The following PRKCE variants were observed in gnomAD, a reference collection of about 807,000 sequenced individuals.
PRKCE encodes protein kinase C epsilon.
Under a neutral mutation model 85.4 loss-of-function variants are expected in PRKCE, and 16 were observed. The observed-to-expected ratio is 0.19, with a 90% CI of 0.13 to 0.28. The LOEUF (loss-of-function observed/expected upper bound fraction) is 0.28. PRKCE is among the 10% of genes least tolerant of loss of function. The probability of loss-of-function intolerance (pLI) is 1.00; values close to 1 mark genes in which losing one functional copy is unlikely to be tolerated. For synonymous variants in PRKCE, 388 were observed against 371.5 expected, an observed-to-expected ratio of 1.04 and a Z score of -0.51; for missense variants, 573 against 975.2, an observed-to-expected ratio of 0.59 and a Z score of 5.49.
chr2:46,078,612 C>T (rs925916151), intron 10 of PRKCE: 2 of 151,984 alleles, frequency 1.3e-5, no homozygotes, highest in Non-Finnish European at 2.9e-5. Context: ...TTTCTGTCTC[C>T]TTCCTACCTA....
rs371481050 is a variant in PRKCE at position 45,792,892 on chromosome 2, G to A, written c.349-50108G>A. 8.2e-3 allele frequency among the ~76,000 whole-genome samples: 1,243 copies of A among 152,200 alleles called. 15 individuals carry two copies. Among genetic ancestry groups the A allele is most frequent in the African/African-American group, 0.029 (1,196 of 41,510 alleles). On this transcript the variant is annotated intron_variant, in intron 1 of 14. Coordinates refer to ENST00000306156, the MANE Select transcript of PRKCE (RefSeq NM_005400.3). Reference sequence around the variant, plus strand: ...CGGCTCACTGCAACCTCTGTCTCCCGGGTTCAGGTGATTCTCCTGCCTTAG... The same window carrying A: ...CGGCTCACTGCAACCTCTGTCTCCCAGGTTCAGGTGATTCTCCTGCCTTAG...
In PRKCE at chr2:46,004,722, T is replaced by A; in HGVS notation, c.1063+84T>A. The A allele has an allele frequency of 1.7e-6, 2 of 1,201,156 alleles. No individual in the cohort carries two copies. Among genetic ancestry groups the A allele is most frequent in the Non-Finnish European group, 2.4e-6 (2 of 844,776 alleles). 74.4% of individuals were successfully genotyped at this position (1,201,156 alleles called of 1,614,324 possible). A position where few individuals can be genotyped will look rare whatever the true frequency, so the allele number is the denominator to read the frequency against. On this transcript the variant is annotated intron_variant, in intron 8 of 14. Transcript: ENST00000306156. This position sits in a 1 kb window ranked among gnomAD's most constrained non-coding sequence, Gnocchi z 4.1. The stretch of plus-strand genomic sequence containing the variant: ...GCTCTGAGGCCTCTTTAACCAAGAG[T>A]GAGCTTGTTAGCTGAAATAGCTAGC...
intron 1 of PRKCE, among the ~76,000 whole-genome samples, chr2:45,828,200 A>C (rs1690109578): frequency 6.6e-6 from 1 of 152,236 alleles, no homozygotes; most frequent in Admixed American, 6.5e-5. Flanking sequence ...AAGTGGAGGA[A>C]CACCATCATA....
chr2:45,667,906 T>C (rs1675989719), intron 1 of PRKCE, among the ~76,000 whole-genome samples: 1 of 152,176 alleles, frequency 6.6e-6, no homozygotes, highest in Non-Finnish European at 1.5e-5. Context: ...CTAATCCTGG[T>C]CCCACCACTG....
intron 1 of PRKCE, among the ~76,000 whole-genome samples, chr2:45,834,858 C>G (rs910490069): frequency 2.0e-5 from 3 of 152,206 alleles, no homozygotes; most frequent in African/African-American, 7.2e-5. Context: ...AAAAGGCTTT[C>G]TATAACATTT....
rs765421914 is a variant in PRKCE at position 46,086,303 on chromosome 2, C to G, written c.1533C>G (p.Phe511Leu). 11 of 1,599,608 alleles carry G rather than the reference C, an allele frequency of 6.9e-6. No homozygotes were observed. The highest frequency in any genetic ancestry group is 1.7e-5 in the Admixed American group (1 of 60,000). ...AATTCGACGAGCCTCGTTCACGGTT[C>G]TATGCTGCAGAGGTCACATCGGCCC... ...SRKFDEPRSR[F>L]YAAEVTSALM... Residue 511 changes from phenylalanine (F) to leucine (L), a missense_variant, in exon 11 of 15, where the codon TTC becomes TTG. This residue lies in a region of PRKCE where 89 missense variants were observed against 154.1 expected (regional missense o/e 0.58). Transcript: ENST00000306156.
intron 10 of PRKCE, among the ~76,000 whole-genome samples, chr2:46,080,657 T>C (rs4953303): frequency 0.94 from 143,278 of 152,292 alleles, 67,506 homozygotes; most frequent in East Asian, 1. Flanking sequence ...CTCCCTGGAG[T>C]GAAGGTTGGA....
Position 46,170,625 on chromosome 2 carries a change from C to G in PRKCE, c.2067+10873C>G, listed in dbSNP as rs891404711. On this transcript the variant is annotated intron_variant, in intron 14 of 14. Transcript: ENST00000306156. ...TATACAGTGTTTTTTTCAGCTCTAT[C>G]TCAAAATTCTCTTCTCACCTTTTAT... is the stretch of plus-strand genomic sequence containing the variant. 2.0e-5 allele frequency among the ~76,000 whole-genome samples: 3 copies of G among 152,196 alleles called. No homozygotes were observed. In the East Asian group the frequency reaches 5.8e-4, roughly 29 times the overall value.
chr2:46,058,442 A>G (rs1666809127), intron 10 of PRKCE, among the ~76,000 whole-genome samples: 1 of 152,234 alleles, frequency 6.6e-6, no homozygotes, highest in Admixed American at 6.5e-5. Context: ...TTATTTAATC[A>G]ACCAAACTTC....
chr2:45,717,995 A>T (rs1411995483), intron 1 of PRKCE, among the ~76,000 whole-genome samples: 1 of 152,240 alleles, frequency 6.6e-6, no homozygotes, highest in Non-Finnish European at 1.5e-5. Context: ...GGCTGGTTCT[A>T]TAAGAATCCT....
intron 1 of PRKCE, among the ~76,000 whole-genome samples, chr2:45,829,740 C>T (rs1361239356): frequency 6.6e-6 from 1 of 152,148 alleles, no homozygotes; most frequent in Non-Finnish European, 1.5e-5. Flanking sequence ...CCATATGCTC[C>T]CCACTGTCAC....
intron 1 of PRKCE, among the ~76,000 whole-genome samples, chr2:45,810,550 C>T (rs1573447551): frequency 6.6e-6 from 1 of 151,876 alleles, no homozygotes; most frequent in South Asian, 2.1e-4. Flanking sequence ...ACGAATATTC[C>T]ACTGCAATGT....
intron 2 of PRKCE, among the ~76,000 whole-genome samples, chr2:45,968,179 G>A (rs1198401066): frequency 2.0e-5 from 3 of 152,124 alleles, no homozygotes; most frequent in Admixed American, 6.5e-5. Context: ...CACTGTTAGC[G>A]ATTCACAACT....
chr2:46,093,652 C>T (rs1670402765), intron 11 of PRKCE, among the ~76,000 whole-genome samples: 1 of 151,914 alleles, frequency 6.6e-6, no homozygotes. Flanking sequence ...CCTCAGCCTC[C>T]CAAATTGCTG....
At chr2:45,822,961 A>G (rs1434142454) in intron 1 of PRKCE, among the ~76,000 whole-genome samples, 1 of 152,114 alleles carries the variant, frequency 6.6e-6, no homozygotes, top group African/African-American at 2.4e-5. Flanking sequence ...GATCTATTTC[A>G]TTTTTTGATT....
intron 2 of PRKCE, among the ~76,000 whole-genome samples, chr2:45,929,339 C>T (rs1011585640): frequency 6.6e-5 from 10 of 152,184 alleles, no homozygotes; most frequent in African/African-American, 1.9e-4. Context: ...ATAGCGGAGC[C>T]GTTCCTCCCG....
chr2:45,758,568 C>G (rs1034218973), intron 1 of PRKCE, among the ~76,000 whole-genome samples: 1 of 152,122 alleles, frequency 6.6e-6, no homozygotes, highest in Non-Finnish European at 1.5e-5. Flanking sequence ...GATCTGTGCC[C>G]AAATGTTACC....
At position 46,004,564 on chromosome 2, in the gene PRKCE, C is replaced by T. The variant is rs764404950; in HGVS notation, c.989C>T (p.Pro330Leu). The T allele has an allele frequency of 3.3e-5, 53 of 1,588,534 alleles. No homozygotes were observed. The highest frequency in any genetic ancestry group is 3.9e-5 in the Non-Finnish European group (46 of 1,174,644). ...RKKLIAGAES[P>L]QPASGSSPSE... is the part of the protein sequence containing the mutation. ...TAGCTCATTGCTGGTGCCGAGTCCC[C>T]GCAGCCTGCTTCTGGAAGCTCACCA... The change falls in exon 8 of 15, where the codon CCG becomes CTG. Residue 330 changes from proline (P) to leucine (L), a missense_variant. By Grantham distance (98) the Pro-to-Leu change is moderately conservative (BLOSUM62 -3). Around this residue, in one of 11 missense-constraint regions of PRKCE, gnomAD observed 55 missense variants for 128.1 expected, o/e 0.43. Coordinates refer to ENST00000306156, the MANE Select transcript of PRKCE (RefSeq NM_005400.3). The surrounding 1 kb of genome is among the most constrained non-coding windows in gnomAD (Gnocchi z 4.1).
At chr2:46,042,725 G>A (rs1246828062) in intron 10 of PRKCE, among the ~76,000 whole-genome samples, 6 of 152,288 alleles carry the variant, frequency 3.9e-5, no homozygotes, top group African/African-American at 1.2e-4. Context: ...AACACCAGAG[G>A]CGAAGGGTGG....
Sources: allele counts gnomAD v4.1 joint callset (sites outside exome capture counted in the v4.1 genomes callset), GRCh38; gene constraint gnomAD v4.1.1; regional missense constraint gnomAD v4.1.1; non-coding constraint Gnocchi (gnomAD v3.1); transcripts MANE v1.5; gene names NCBI Gene and HGNC (gene_info 2026-07-23, HGNC 2026-07-21).